The following ZFAND3 variants were observed in gnomAD, a reference collection of about 807,000 sequenced individuals.
The protein encoded by ZFAND3 is zinc finger AN1-type containing 3.
A neutral mutation model predicts 29.6 loss-of-function variants in ZFAND3; 10 were observed. That is an observed-to-expected ratio of 0.34 (90% CI 0.21 to 0.57). The LOEUF (loss-of-function observed/expected upper bound fraction) is 0.57, where lower values mean the gene tolerates loss of function less well. Among genes scored for constraint, ZFAND3 ranks in the 20% least tolerant of loss-of-function variants. The pLI is 0.86. For synonymous variants in ZFAND3, 128 were observed against 112.6 expected, an observed-to-expected ratio of 1.14 and a Z score of -0.87; for missense variants, 230 against 304.5, an observed-to-expected ratio of 0.76 and a Z score of 1.82.
intron 5 of ZFAND3, among the ~76,000 whole-genome samples, chr6:38,132,694 G>A (rs1581946181): frequency 6.6e-6 from 1 of 152,188 alleles, no homozygotes; most frequent in African/African-American, 2.4e-5. Flanking sequence ...AACCCCATCA[G>A]CAGTTTCCTG....
At chr6:38,116,874 A>C in intron 5 of ZFAND3, 135 bp downstream of exon 5, 1 of 1,158,864 alleles carries the variant, frequency 8.6e-7, no homozygotes. Context: ...CATGCGATAT[A>C]GGTTTGGGGC....
chr6:38,126,722 T>C (rs1329206107), intron 5 of ZFAND3, among the ~76,000 whole-genome samples: 4 of 152,176 alleles, frequency 2.6e-5, no homozygotes, highest in Non-Finnish European at 4.4e-5. Flanking sequence ...TGTTCACACT[T>C]TAAAATTTTA....
At chr6:37,900,183 A>G (rs1191311485) in intron 1 of ZFAND3, among the ~76,000 whole-genome samples, 1 of 152,184 alleles carries the variant, frequency 6.6e-6, no homozygotes, top group Non-Finnish European at 1.5e-5. Flanking sequence ...TTTAAACAAT[A>G]CTGCAGAAAC....
At chr6:37,962,989 A>G (rs1017569938) in intron 2 of ZFAND3, among the ~76,000 whole-genome samples, 4 of 152,290 alleles carry the variant, frequency 2.6e-5, no homozygotes, top group South Asian at 2.1e-4. Context: ...GCTCACTGCA[A>G]AGGTCTGCGG....
chr6:38,033,745 A>G (rs546572363), intron 2 of ZFAND3, among the ~76,000 whole-genome samples: 5 of 152,310 alleles, frequency 3.3e-5, no homozygotes, highest in Non-Finnish European at 7.4e-5. Flanking sequence ...TGTTTTACTG[A>G]TAGCCAAGAA....
intron 4 of ZFAND3, among the ~76,000 whole-genome samples, chr6:38,096,223 A>T (rs1764976151): frequency 2.0e-5 from 3 of 146,800 alleles, no homozygotes. Flanking sequence ...CTCAGGCTGG[A>T]GTGCAGTGGT....
At chr6:38,060,166 G>A (rs1367248135) in intron 2 of ZFAND3, among the ~76,000 whole-genome samples, 2 of 152,104 alleles carry the variant, frequency 1.3e-5, no homozygotes, top group Non-Finnish European at 2.9e-5. Flanking sequence ...GTTCAGTAGG[G>A]CTGACTGTGG....
At chr6:38,014,216 C>G (rs1470794465) in intron 2 of ZFAND3, among the ~76,000 whole-genome samples, 1 of 151,982 alleles carries the variant, frequency 6.6e-6, no homozygotes, top group Non-Finnish European at 1.5e-5. Flanking sequence ...GTTTGTAAAA[C>G]TTTTTAAAAG....
At chr6:37,923,121 T>C (rs1457391303) in intron 1 of ZFAND3, among the ~76,000 whole-genome samples, 1 of 152,252 alleles carries the variant, frequency 6.6e-6, no homozygotes, top group Admixed American at 6.5e-5. Flanking sequence ...CTATAAGTTT[T>C]CTTTATTGAT....
rs959502108 is a variant in ZFAND3, at chr6:38,100,796, AC to A, written c.362-15770del. On this transcript the variant is annotated intron_variant, in intron 4 of 5. Transcript: ENST00000287218. ...AGAATGTTTCCTAAAATTCTTAGGTACCCCCCTACCCAGCTTTTCCTAATGT... is the reference window on the plus strand; with the variant it reads ...AGAATGTTTCCTAAAATTCTTAGGTACCCCCTACCCAGCTTTTCCTAATGT... Among the ~76,000 whole-genome samples the A allele has an allele frequency of 2.4e-4, 37 of 152,126 alleles. No homozygotes were observed. The Middle Eastern group carries it at 0.01, about 42-fold the overall frequency.
intron 4 of ZFAND3, among the ~76,000 whole-genome samples, chr6:38,098,476 G>A (rs185124150): frequency 5.3e-5 from 8 of 151,478 alleles, no homozygotes; most frequent in Admixed American, 2.0e-4. Flanking sequence ...AATGAATGTT[G>A]TAAGAAAATG....
In ZFAND3 at chr6:38,120,320, C is replaced by CTTTTTTTTTTTTT. The variant is rs70981523; in HGVS notation, c.529+3599_529+3611dup. 1.6e-3 allele frequency among the ~76,000 whole-genome samples: 100 copies of CTTTTTTTTTTTTT among 60,732 alleles called. 10 individuals carry two copies. The highest frequency in any genetic ancestry group is 2.2e-3 in the Non-Finnish European group (70 of 31,824). 39.8% of individuals were successfully genotyped at this position (60,732 alleles called of 152,430 possible). The stretch of plus-strand genomic sequence containing the variant: ...TGATTGATACACGTAGCTTGGCTTC[C>CTTTTTTTTTTTTT]TTTTTTTTTTTTTTTTTTTTTTTTT... On this transcript the variant is annotated intron_variant, in intron 5 of 5. Coordinates refer to ENST00000287218, the MANE Select transcript of ZFAND3 (RefSeq NM_021943.3).
intron 2 of ZFAND3, among the ~76,000 whole-genome samples, chr6:37,968,935 T>C (rs1411086986): frequency 6.6e-6 from 1 of 152,228 alleles, no homozygotes; most frequent in African/African-American, 2.4e-5. Flanking sequence ...GCAGTTAAAC[T>C]GCAGTCATGT....
chr6:37,837,665 C>T (rs532273200), intron 1 of ZFAND3, among the ~76,000 whole-genome samples: 144 of 152,140 alleles, frequency 9.5e-4, no homozygotes, highest in African/African-American at 3.0e-3. Flanking sequence ...CCACCACACC[C>T]GGCTAACTTT....
intron 2 of ZFAND3, among the ~76,000 whole-genome samples, chr6:38,013,206 C>T (rs1376917099): frequency 6.6e-6 from 1 of 152,118 alleles, no homozygotes; most frequent in Non-Finnish European, 1.5e-5. Flanking sequence ...GTATTTTCAA[C>T]TTCACTTGGG....
At chr6:38,031,753 G>A (rs1461660283) in intron 2 of ZFAND3, among the ~76,000 whole-genome samples, 3 of 152,080 alleles carry the variant, frequency 2.0e-5, no homozygotes, top group African/African-American at 7.2e-5. Flanking sequence ...GAGTACCCAC[G>A]TAGCCATTTT....
intron 2 of ZFAND3, among the ~76,000 whole-genome samples, chr6:37,974,766 A>G (rs1250630528): frequency 6.6e-6 from 1 of 152,152 alleles, no homozygotes; most frequent in Non-Finnish European, 1.5e-5. Flanking sequence ...TGTTGTCTAT[A>G]TCAATAGTTC....
chr6:37,840,442 G>C (rs966402390), intron 1 of ZFAND3, among the ~76,000 whole-genome samples: 1 of 152,362 alleles, frequency 6.6e-6, no homozygotes, highest in Non-Finnish European at 1.5e-5. Context: ...ATGTCACACT[G>C]TCTTGAGTAC....
chr6:37,918,544 A>G (rs1761307914), intron 1 of ZFAND3, among the ~76,000 whole-genome samples: 1 of 152,144 alleles, frequency 6.6e-6, no homozygotes, highest in South Asian at 2.1e-4. Flanking sequence ...AAGATCTAAT[A>G]ATAATACTTT....
Sources: gnomAD v4.1 joint callset for allele counts (sites outside exome capture counted in the v4.1 genomes callset) on GRCh38, gnomAD v4.1.1 for gene constraint, MANE v1.5 for transcripts, NCBI Gene and HGNC (gene_info 2026-07-23, HGNC 2026-07-21) for gene names.